SGCZ: variants seen among roughly 807,000 people sequenced by gnomAD.
SGCZ encodes the protein sarcoglycan zeta, also known as zeta-sarcoglycan.
In SGCZ, 40 loss-of-function variants were observed where a neutral mutation model predicts 41.3. The ratio of observed to expected loss-of-function variants is 0.97; its 90% CI spans 0.75 to 1.26. SGCZ has a LOEUF of 1.26. SGCZ is among the 50% of genes most tolerant of loss of function. The pLI is 0.00. For missense variants in SGCZ, 552 were observed against 369.8 expected, an observed-to-expected ratio of 1.49 and a Z score of -4.04; for synonymous variants, 206 against 137.5, an observed-to-expected ratio of 1.50 and a Z score of -3.49.
intron 1 of SGCZ, among the ~76,000 whole-genome samples, chr8:14,922,765 A>G (rs1412341222): frequency 1.3e-5 from 2 of 152,206 alleles, no homozygotes; most frequent in African/African-American, 4.8e-5. Flanking sequence ...ATAAAATAAC[A>G]ATTCAGTGCA....
At chr8:15,102,332 A>G (rs1405811181) in intron 1 of SGCZ, among the ~76,000 whole-genome samples, 3 of 152,236 alleles carry the variant, frequency 2.0e-5, no homozygotes, top group Admixed American at 1.3e-4. Flanking sequence ...TATGTGGAGA[A>G]TAAAAAGGTA....
At chr8:14,575,006 T>C (rs1350863938) in intron 1 of SGCZ, among the ~76,000 whole-genome samples, 1 of 152,196 alleles carries the variant, frequency 6.6e-6, no homozygotes, top group Non-Finnish European at 1.5e-5. Context: ...GTGATTATAT[T>C]TACAGAAAAT....
chr8:14,781,279 T>C (rs560603811), intron 1 of SGCZ, among the ~76,000 whole-genome samples: 1 of 152,186 alleles, frequency 6.6e-6, no homozygotes, highest in Middle Eastern at 3.2e-3. Flanking sequence ...TCACCCAGGC[T>C]AGAGTGCAAT....
chr8:14,233,477 T>G (rs897627290), intron 4 of SGCZ, among the ~76,000 whole-genome samples: 6 of 150,842 alleles, frequency 4.0e-5, no homozygotes, highest in Non-Finnish European at 5.9e-5. Context: ...AGTATTACAT[T>G]TTCAGTGATC....
chr8:14,757,246 A>G (rs1457242887), intron 1 of SGCZ, among the ~76,000 whole-genome samples: 1 of 152,140 alleles, frequency 6.6e-6, no homozygotes, highest in African/African-American at 2.4e-5. Flanking sequence ...ATGGGGTTTC[A>G]CTATGTTGGC....
intron 1 of SGCZ, among the ~76,000 whole-genome samples, chr8:15,128,630 T>C (rs1356571175): frequency 6.6e-6 from 1 of 152,140 alleles, no homozygotes; most frequent in Admixed American, 6.5e-5. Flanking sequence ...TGGAATACAG[T>C]ATAAGTTAAT....
At chr8:14,618,290 G>C (rs1366558518) in intron 1 of SGCZ, among the ~76,000 whole-genome samples, 1 of 152,156 alleles carries the variant, frequency 6.6e-6, no homozygotes, top group Non-Finnish European at 1.5e-5. Flanking sequence ...ATTAATTTGG[G>C]AGATAGGGGT....
chr8:14,813,877 C>T (rs1380082135), intron 1 of SGCZ, among the ~76,000 whole-genome samples: 1 of 152,102 alleles, frequency 6.6e-6, no homozygotes, highest in East Asian at 1.9e-4. Flanking sequence ...CACTTGAACC[C>T]TGGAGGCAGA....
At chr8:15,090,971 AC>A (rs1453665102) in intron 1 of SGCZ, among the ~76,000 whole-genome samples, 3 of 152,190 alleles carry the variant, frequency 2.0e-5, no homozygotes, top group African/African-American at 7.2e-5. Flanking sequence ...GAGACTGATT[AC>A]TTTGATTCTA....
At chr8:14,267,557 G>A (rs1034339496) in intron 3 of SGCZ, among the ~76,000 whole-genome samples, 2 of 152,008 alleles carry the variant, frequency 1.3e-5, no homozygotes, top group African/African-American at 4.8e-5. Context: ...CTAGTCTCAT[G>A]ATGCTATTAT....
chr8:14,546,919 C>T (rs12548592), intron 2 of SGCZ, among the ~76,000 whole-genome samples: 1 of 151,982 alleles, frequency 6.6e-6, no homozygotes, highest in Admixed American at 6.6e-5. Context: ...TATTTAATTT[C>T]CCTAAGTTTC....
At chr8:15,086,742 G>A (rs936835657) in intron 1 of SGCZ, among the ~76,000 whole-genome samples, 1 of 151,958 alleles carries the variant, frequency 6.6e-6, no homozygotes, top group Admixed American at 6.6e-5. Context: ...TGTGGACCTG[G>A]AATATTTTCA....
intron 1 of SGCZ, among the ~76,000 whole-genome samples, chr8:14,643,525 G>A (rs1301987497): frequency 3.3e-5 from 5 of 150,470 alleles, no homozygotes; most frequent in African/African-American, 1.2e-4. Context: ...AGGTCAGGGA[G>A]ATAAGTGAAT....
At chr8:14,190,777 T>C (rs563098196) in intron 4 of SGCZ, among the ~76,000 whole-genome samples, 1 of 152,008 alleles carries the variant, frequency 6.6e-6, no homozygotes, top group African/African-American at 2.4e-5. Flanking sequence ...TAATTTTTTA[T>C]ATTTTTAGTA....
chr8:14,450,300 A>G (rs914134257), intron 2 of SGCZ, among the ~76,000 whole-genome samples: 6 of 148,914 alleles, frequency 4.0e-5, no homozygotes, highest in African/African-American at 1.5e-4. Flanking sequence ...ACTCTCATGA[A>G]TTCCTAATCC....
intron 2 of SGCZ, among the ~76,000 whole-genome samples, chr8:14,340,468 G>C (rs1802663712): frequency 6.6e-6 from 1 of 152,024 alleles, no homozygotes; most frequent in South Asian, 2.1e-4. Context: ...ACAGTTCACT[G>C]GTTTGCTGAA....
chr8:14,267,910 C>G (rs1276817330), intron 3 of SGCZ, among the ~76,000 whole-genome samples: 1 of 151,878 alleles, frequency 6.6e-6, no homozygotes, highest in Non-Finnish European at 1.5e-5. Context: ...TAGGTTCTTT[C>G]TGCATTTCTC....
intron 1 of SGCZ, among the ~76,000 whole-genome samples, chr8:14,601,922 C>T (rs1434221915): frequency 6.6e-6 from 1 of 152,020 alleles, no homozygotes; most frequent in Non-Finnish European, 1.5e-5. Context: ...AGATCGAGAC[C>T]ATCCGGGCTA....
chr8:15,029,128 C>A (rs964589471), intron 1 of SGCZ, among the ~76,000 whole-genome samples: 1 of 151,930 alleles, frequency 6.6e-6, no homozygotes, highest in African/African-American at 2.4e-5. Flanking sequence ...TAGCTAGATA[C>A]GCTATATATA....
Sources: gnomAD v4.1 joint callset for allele counts (sites outside exome capture counted in the v4.1 genomes callset) on GRCh38, gnomAD v4.1.1 for gene constraint, MANE v1.5 for transcripts, NCBI Gene and HGNC (gene_info 2026-07-23, HGNC 2026-07-21) for gene names.